TMPRSS9: variants seen among roughly 807,000 people sequenced by gnomAD.
TMPRSS9 encodes the protein transmembrane protease serine 9.
TMPRSS9 carries 113 observed loss-of-function variants against 111.4 expected under a neutral mutation model. The observed-to-expected ratio is 1.01, with a 90% CI of 0.87 to 1.19. The LOEUF is 1.19. Ranked by LOEUF, TMPRSS9 falls within the 50% of genes most tolerant of loss-of-function variation. The pLI is 0.00. For missense variants in TMPRSS9, 1,803 were observed against 1,513.1 expected (o/e 1.19, Z -3.18); for synonymous variants, 805 against 659.1 (o/e 1.22, Z -3.39).
chr19:2,410,247 C>G lies in TMPRSS9; in HGVS notation c.1118-11C>G. ...CACTCTCACCCTGCTTTTCTCTCCCCATTCGGCCAGTGGTCAAGCCAGAGG... is the reference window on the plus strand; with the variant it reads ...CACTCTCACCCTGCTTTTCTCTCCCGATTCGGCCAGTGGTCAAGCCAGAGG... On this transcript the variant is annotated splice_polypyrimidine_tract_variant and intron_variant, in intron 8 of 17. Coordinates refer to ENST00000648592, the Ensembl canonical transcript of TMPRSS9. 6.2e-7 allele frequency: 1 copy of G among 1,613,692 alleles called. No individual in the cohort carries two copies. Among genetic ancestry groups the G allele is most frequent in the Non-Finnish European group, 8.5e-7 (1 of 1,179,848 alleles).
Position 2,361,571 on chromosome 19 carries a change from A to T in TMPRSS9, c.-26+1211A>T, listed in dbSNP as rs527940415. 1.2e-4 allele frequency among the ~76,000 whole-genome samples: 19 copies of T among 152,264 alleles called. No individual in the cohort carries two copies. In the South Asian group the frequency reaches 3.9e-3, roughly 32 times the overall value. On this transcript the variant is annotated intron_variant, in intron 1 of 17. Transcript: ENST00000649857. Reference sequence around the variant, plus strand: ...AGGGAGGGTCCTCCTGGATTCAATTAGCCCCGGCAGGAAACCCAGGCTGGG... The same window carrying T: ...AGGGAGGGTCCTCCTGGATTCAATTTGCCCCGGCAGGAAACCCAGGCTGGG...
chr19:2,365,922 C>A (rs927190845), intron 1 of TMPRSS9, among the ~76,000 whole-genome samples: 1 of 151,546 alleles, frequency 6.6e-6, no homozygotes, highest in Non-Finnish European at 1.5e-5. Context: ...TGTGATAACA[C>A]CACTGCACTC....
At chr19:2,408,662 C>A in intron 8 of TMPRSS9, 32 bp downstream of exon 9, 1 of 1,588,894 alleles carries the variant, frequency 6.3e-7, no homozygotes, top group South Asian at 1.1e-5. Flanking sequence ...CAAGTGAGCT[C>A]AGGCAGGCAG....
chr19:2,385,188 C>A (rs866756015), upstream of TMPRSS9, among the ~76,000 whole-genome samples: 1,375 of 24,928 alleles, frequency 0.055, 21 homozygotes, highest in African/African-American at 0.091. Context: ...GCGGGGCTCG[C>A]GGGGGCGGGG....
chr19:2,384,184 C>T (rs1313004444), intron 1 of TMPRSS9, among the ~76,000 whole-genome samples: 2 of 152,136 alleles, frequency 1.3e-5, no homozygotes, highest in African/African-American at 4.8e-5. Flanking sequence ...TGTTGGAGGC[C>T]AGGCATGAAT....
intron 1 of TMPRSS9, among the ~76,000 whole-genome samples, chr19:2,394,020 A>G (rs4807256): frequency 0.95 from 143,912 of 152,064 alleles, 68,111 homozygotes; most frequent in East Asian, 1. Flanking sequence ...GGCCAACATG[A>G]TGAAACCCCG....
chr19:2,374,354 C>A (rs989540956), intron 1 of TMPRSS9, among the ~76,000 whole-genome samples: 6 of 145,532 alleles, frequency 4.1e-5, no homozygotes, highest in Non-Finnish European at 8.9e-5. Flanking sequence ...CGGTGGATCA[C>A]CTGAGGTCAG....
At chr19:2,408,471 G>A (rs778967635) in exon 8 of TMPRSS9, 9 of 1,613,868 alleles carry the variant, frequency 5.6e-6, no homozygotes, top group East Asian at 4.5e-5. Context: ...CCTGTACAAC[G>A]CGGACACGGC....
intron 9 of TMPRSS9, among the ~76,000 whole-genome samples, chr19:2,411,946 C>T (rs1355803773): frequency 6.6e-6 from 1 of 152,170 alleles, no homozygotes; most frequent in African/African-American, 2.4e-5. Flanking sequence ...TCGTGGATAC[C>T]ATTTCTTTCT....
chr19:2,413,698 A>G lies in TMPRSS9; in HGVS notation c.1255-2A>G. On this transcript the variant is annotated splice_acceptor_variant, in intron 9 of 17. Coordinates refer to ENST00000648592, the Ensembl canonical transcript of TMPRSS9. LOFTEE classifies it high-confidence loss of function. The stretch of plus-strand genomic sequence containing the variant: ...TCCTGAGGGTGTGTGTTGGTTTCCT[A>G]GGGTGACTCAGGAGGACCCCTGGTC... 1 of 1,599,038 alleles carries G rather than the reference A, an allele frequency of 6.3e-7. No individual in the cohort carries two copies. The highest frequency in any genetic ancestry group is 8.6e-7 in the Non-Finnish European group (1 of 1,168,534).
At chr19:2,409,737 A>T (rs1335494631) in intron 8 of TMPRSS9, among the ~76,000 whole-genome samples, 1 of 151,978 alleles carries the variant, frequency 6.6e-6, no homozygotes, top group Admixed American at 6.6e-5. Flanking sequence ...GGGTGGGAGG[A>T]CAGCAGGGCA....
intron 1 of TMPRSS9, among the ~76,000 whole-genome samples, chr19:2,369,288 C>T (rs765798857): frequency 7.9e-5 from 12 of 152,032 alleles, no homozygotes; most frequent in African/African-American, 2.2e-4. Flanking sequence ...TGGGTGAGTA[C>T]GAAAGTGGAG....
intron 2 of TMPRSS9, among the ~76,000 whole-genome samples, chr19:2,398,500 C>A (rs1322005355): frequency 1.3e-5 from 2 of 151,840 alleles, no homozygotes; most frequent in Non-Finnish European, 2.9e-5. Context: ...CACCTGTAAT[C>A]CCAGCTTCTT....
At chr19:2,423,448 G>A (rs1971511421) in intron 14 of TMPRSS9, among the ~76,000 whole-genome samples, 1 of 139,622 alleles carries the variant, frequency 7.2e-6, no homozygotes. Context: ...CTGCGGGTTG[G>A]ATGGCGGTTG....
chr19:2,410,457 C>G (rs965095215), intron 9 of TMPRSS9, 63 bp downstream of exon 10: 1 of 1,583,710 alleles, frequency 6.3e-7, no homozygotes, highest in Non-Finnish European at 8.6e-7. Flanking sequence ...TGTTCAAATG[C>G]TGAGCAATTC....
intron 1 of TMPRSS9, among the ~76,000 whole-genome samples, chr19:2,391,206 G>A (rs2145286178): frequency 8.9e-6 from 1 of 112,870 alleles, no homozygotes; most frequent in South Asian, 2.9e-4. Flanking sequence ...TGCCCTTGCA[G>A]TCCAGCCTGG....
At chr19:2,392,258 T>G (rs574386481) in intron 1 of TMPRSS9, among the ~76,000 whole-genome samples, 1 of 152,156 alleles carries the variant, frequency 6.6e-6, no homozygotes, top group Admixed American at 6.6e-5. Context: ...AAATGAGTGG[T>G]TGTGCGTGCC....
At chr19:2,406,239 C>T (rs1399658269) in intron 7 of TMPRSS9, among the ~76,000 whole-genome samples, 6 of 151,308 alleles carry the variant, frequency 4.0e-5, no homozygotes, top group Admixed American at 2.0e-4. Flanking sequence ...AGGATGGTCT[C>T]GATCTCCTGA....
intron 14 of TMPRSS9, among the ~76,000 whole-genome samples, chr19:2,422,594 C>A (rs144186733): frequency 6.6e-6 from 1 of 151,510 alleles, no homozygotes; most frequent in Non-Finnish European, 1.5e-5. Context: ...AAAGACATAA[C>A]GGCCTCTCTG....
Sources: gnomAD v4.1 joint callset for allele counts (sites outside exome capture counted in the v4.1 genomes callset) on GRCh38, gnomAD v4.1.1 for gene constraint, MANE v1.5 for transcripts, NCBI Gene and HGNC (gene_info 2026-07-23, HGNC 2026-07-21) for gene names.